GRB14: variants seen among roughly 807,000 people sequenced by gnomAD.
GRB14 encodes the protein growth factor receptor-bound protein 14.
Under a neutral mutation model 69.1 loss-of-function variants are expected in GRB14, and 38 were observed. The ratio of observed to expected loss-of-function variants is 0.55; its 90% CI spans 0.42 to 0.72. The LOEUF (loss-of-function observed/expected upper bound fraction) is 0.72, where lower values mean the gene tolerates loss of function less well. Ranked by LOEUF, GRB14 falls within the 30% of genes least tolerant of loss-of-function variation. The probability of loss-of-function intolerance (pLI) is 0.00; values close to 1 mark genes in which losing one functional copy is unlikely to be tolerated. For synonymous variants in GRB14, 247 were observed against 241.3 expected, an observed-to-expected ratio of 1.02 and a Z score of -0.22; for missense variants, 666 against 666.1, an observed-to-expected ratio of 1.00 and a Z score of 0.00.
chr2:164,521,263 G>C (rs1463562331), intron 6 of GRB14, among the ~76,000 whole-genome samples: 7 of 152,122 alleles, frequency 4.6e-5, no homozygotes, highest in Non-Finnish European at 1.0e-4. Flanking sequence ...AGTAACTCAG[G>C]AATGTAAAAC....
intron 9 of GRB14, among the ~76,000 whole-genome samples, chr2:164,501,599 T>C (rs1687053403): frequency 6.6e-6 from 1 of 152,142 alleles, no homozygotes; most frequent in South Asian, 2.1e-4. Context: ...TGTGTGTGTC[T>C]GCAAATAAAT....
Position 164,522,117 on chromosome 2 carries a change from T to C in GRB14, c.679A>G (p.Met227Val), listed in dbSNP as rs1479833659. 3.9e-6 allele frequency: 6 copies of C among 1,543,868 alleles called. No homozygotes were observed. The highest frequency in any genetic ancestry group is 2.3e-5 in the East Asian group (1 of 44,288). The change falls in exon 6 of 14, where the codon ATG (methionine) becomes GTG (valine). Residue 227 changes from methionine to valine, a missense_variant and splice_region_variant. Met to Val is a conservative substitution (Grantham distance 21, BLOSUM62 1). Transcript: ENST00000263915. ...GGATATGTGCTTGAACTCAGAAACA[T>C]CTGAAAGAAAATTTATATATTTTCA... ...GEISPTQILQMFLSSSTYPEI... is the reference protein window; with the variant it reads ...GEISPTQILQVFLSSSTYPEI...
intron 2 of GRB14, among the ~76,000 whole-genome samples, chr2:164,617,999 C>G (rs10187406): frequency 0.015 from 2,210 of 148,534 alleles, 58 homozygotes; most frequent in African/African-American, 0.051. Flanking sequence ...CAGATTCTCG[C>G]TCTGTCGTTC....
At chr2:164,523,392 G>A (rs1687686176) in intron 5 of GRB14, among the ~76,000 whole-genome samples, 1 of 151,414 alleles carries the variant, frequency 6.6e-6, no homozygotes, top group South Asian at 2.1e-4. Flanking sequence ...TAATAAGACA[G>A]TGGAAATGCA....
chr2:164,508,982 A>C (rs1349135929), intron 6 of GRB14, 130 bp from the exon 7 acceptor site: 4 of 450,880 alleles, frequency 8.9e-6, no homozygotes, highest in Non-Finnish European at 1.5e-5. Flanking sequence ...CACAAAAATA[A>C]AAGGAGAAAA....
At chr2:164,571,103 T>C (rs191891968) in intron 2 of GRB14, among the ~76,000 whole-genome samples, 1 of 152,378 alleles carries the variant, frequency 6.6e-6, no homozygotes, top group Non-Finnish European at 1.5e-5. Context: ...TTTTCTGTAA[T>C]CCTTTGCAGG....
intron 2 of GRB14, among the ~76,000 whole-genome samples, chr2:164,609,232 T>G (rs762298488): frequency 2.2e-4 from 34 of 152,236 alleles, no homozygotes; most frequent in Non-Finnish European, 3.7e-4. Flanking sequence ...TGACTGCCAT[T>G]GCACTATGCT....
intron 1 of GRB14, 133 bp downstream of exon 1, chr2:164,620,986 G>C: frequency 1.4e-6 from 1 of 702,140 alleles, no homozygotes; most frequent in Non-Finnish European, 2.0e-6. Flanking sequence ...CCAGCTCAAA[G>C]GGGATTGTCT....
chr2:164,612,590 A>C (rs1197957598), intron 2 of GRB14, among the ~76,000 whole-genome samples: 1 of 152,250 alleles, frequency 6.6e-6, no homozygotes, highest in Non-Finnish European at 1.5e-5. Flanking sequence ...CCACCATTGA[A>C]ATACACATAA....
chr2:164,517,717 C>T (rs1687529441), intron 6 of GRB14, among the ~76,000 whole-genome samples: 1 of 151,984 alleles, frequency 6.6e-6, no homozygotes, highest in Admixed American at 6.6e-5. Context: ...AATAGCTATT[C>T]TTATATCAGA....
intron 2 of GRB14, among the ~76,000 whole-genome samples, chr2:164,603,969 A>G (rs910603729): frequency 6.6e-6 from 1 of 152,228 alleles, no homozygotes. Flanking sequence ...AAGAAGTAAG[A>G]ATGGACAGAA....
At chr2:164,517,608 G>A (rs746299100) in intron 6 of GRB14, among the ~76,000 whole-genome samples, 1 of 152,108 alleles carries the variant, frequency 6.6e-6, no homozygotes, top group Non-Finnish European at 1.5e-5. Context: ...AGTATTTGCT[G>A]TCTTCAAGAG....
intron 2 of GRB14, among the ~76,000 whole-genome samples, chr2:164,583,087 C>T (rs1689453416): frequency 6.6e-6 from 1 of 152,182 alleles, no homozygotes; most frequent in Non-Finnish European, 1.5e-5. Context: ...TTCTGAATCT[C>T]ACAGTTAATC....
chr2:164,557,666 T>C (rs1366045596), intron 2 of GRB14, among the ~76,000 whole-genome samples: 1 of 152,198 alleles, frequency 6.6e-6, no homozygotes, highest in Non-Finnish European at 1.5e-5. Flanking sequence ...AAGTCACCCC[T>C]GACCAAGGCT....
intron 2 of GRB14, among the ~76,000 whole-genome samples, chr2:164,603,703 T>A (rs1375220525): frequency 6.6e-6 from 1 of 151,020 alleles, no homozygotes; most frequent in Non-Finnish European, 1.5e-5. Flanking sequence ...GAAAAAATAT[T>A]CAGGACAGAG....
intron 2 of GRB14, among the ~76,000 whole-genome samples, chr2:164,604,883 T>C (rs984493455): frequency 6.6e-6 from 1 of 152,164 alleles, no homozygotes; most frequent in Non-Finnish European, 1.5e-5. Context: ...AGAATGTCTA[T>C]TCAATGGGTA....
At chr2:164,499,158 G>C (rs1458315801) in intron 9 of GRB14, among the ~76,000 whole-genome samples, 2 of 151,964 alleles carry the variant, frequency 1.3e-5, no homozygotes, top group Admixed American at 6.6e-5. Flanking sequence ...ACATGCCAAG[G>C]TAGGTTCTGT....
intron 8 of GRB14, among the ~76,000 whole-genome samples, chr2:164,507,015 A>T (rs1353691283): frequency 1.2e-4 from 18 of 152,198 alleles, no homozygotes. Flanking sequence ...GGTGATTAAA[A>T]TGTCTTGGAA....
intron 2 of GRB14, among the ~76,000 whole-genome samples, chr2:164,605,520 T>C (rs934469934): frequency 5.3e-5 from 8 of 151,970 alleles, no homozygotes; most frequent in Non-Finnish European, 1.2e-4. Context: ...GGCAGTAAAA[T>C]GAAAACAAGA....
Sources: gnomAD v4.1 joint callset for allele counts (sites outside exome capture counted in the v4.1 genomes callset) on GRCh38, gnomAD v4.1.1 for gene constraint, MANE v1.5 for transcripts, NCBI Gene and HGNC (gene_info 2026-07-23, HGNC 2026-07-21) for gene names.